SRD5A2: variants seen among roughly 807,000 people sequenced by gnomAD.
SRD5A2 encodes steroid 5 alpha-reductase 2.
SRD5A2 carries 30 observed loss-of-function variants against 27.4 expected under a neutral mutation model. That is an observed-to-expected ratio of 1.10 (90% CI 0.82 to 1.49). The LOEUF is 1.49. Among genes scored for constraint, SRD5A2 ranks in the 40% most tolerant of loss-of-function variants. The pLI is 0.00. For missense variants in SRD5A2, 348 were observed against 323.4 expected (o/e 1.08, Z -0.58); for synonymous variants, 141 against 133.6 (o/e 1.06, Z -0.38).
the SRD5A2 span, among the ~76,000 whole-genome samples, chr2:31,608,541 T>C: frequency 3.3e-5 from 5 of 151,898 alleles, no homozygotes; most frequent in Admixed American, 6.6e-5. Flanking sequence ...ATACTGAAAA[T>C]AAAAATTAGA....
At chr2:31,530,390 G>A (rs564486900) in intron 3 of SRD5A2, among the ~76,000 whole-genome samples, 6 of 152,218 alleles carry the variant, frequency 3.9e-5, no homozygotes, top group South Asian at 4.1e-4. Flanking sequence ...ATGAGACTGC[G>A]TCAGTGGTTC....
At chr2:31,641,313 T>C in the SRD5A2 span, among the ~76,000 whole-genome samples, 1 of 152,176 alleles carries the variant, frequency 6.6e-6, no homozygotes, top group Non-Finnish European at 1.5e-5. Flanking sequence ...TCAGAAACTG[T>C]GAAAGCAAGT....
the SRD5A2 span, among the ~76,000 whole-genome samples, chr2:31,588,512 T>C: frequency 6.6e-6 from 1 of 152,176 alleles, no homozygotes; most frequent in Non-Finnish European, 1.5e-5. Flanking sequence ...TACCTTAGAA[T>C]AATATATCTA....
chr2:31,616,458 G>A, the SRD5A2 span, among the ~76,000 whole-genome samples: 1 of 152,210 alleles, frequency 6.6e-6, no homozygotes, highest in African/African-American at 2.4e-5. Context: ...AGCTACCCAA[G>A]GCCATAGGTG....
chr2:31,608,994 G>C, the SRD5A2 span, among the ~76,000 whole-genome samples: 27 of 152,122 alleles, frequency 1.8e-4, no homozygotes, highest in African/African-American at 5.5e-4. Flanking sequence ...TGTGGCCTTA[G>C]TTTTCTAAGA....
In SRD5A2 at chr2:31,574,327, G is replaced by T. The variant is rs534113034; in HGVS notation, c.281+6293C>A. On this transcript the variant is annotated intron_variant, in intron 1 of 4. Coordinates refer to ENST00000622030, the MANE Select transcript of SRD5A2 (RefSeq NM_000348.4). ...TATAGAACTCTGATAAAGATCAGGA[G>T]ACCAGGCTTCAAGCTCCACTCTGCC... is the stretch of plus-strand genomic sequence containing the variant. Among the ~76,000 whole-genome samples, 17 of 152,342 alleles carry T rather than the reference G, an allele frequency of 1.1e-4. 1 individual carries two copies. Among genetic ancestry groups the T allele is most frequent in the Middle Eastern group, 3.4e-3 (1 of 294 alleles).
the SRD5A2 span, among the ~76,000 whole-genome samples, chr2:31,608,554 T>C: frequency 6.6e-6 from 1 of 151,798 alleles, no homozygotes; most frequent in Non-Finnish European, 1.5e-5. Flanking sequence ...AAATTAGAAA[T>C]AATATATAAA....
chr2:31,618,636 A>G, the SRD5A2 span, among the ~76,000 whole-genome samples: 82 of 152,268 alleles, frequency 5.4e-4, no homozygotes, highest in Non-Finnish European at 6.3e-4. Context: ...CAATCTCATA[A>G]AAACAGAGAG....
rs104893667 is a variant in SRD5A2, at chr2:31,580,823, G to C, written c.78C>G (p.Tyr26Ter). 2 of 1,612,524 alleles carry C rather than the reference G, an allele frequency of 1.2e-6. No individual in the cohort carries two copies. Among genetic ancestry groups the C allele is most frequent in the East Asian group, 4.5e-5 (2 of 44,860 alleles). ...TLVALGALAL[Y>*]VAKPSGYGKH... ...TCCCGTAGCCGGAGGGCTTCGCGAC[G>C]TACAAGGCCAGTGCCCCAAGGGCGA... is the stretch of plus-strand genomic sequence containing the variant. The change falls in exon 1 of 5, where the codon TAC becomes TAG. Residue 26 changes from tyrosine to a stop codon, truncating the protein, a stop_gained. Transcript: ENST00000622030. LOFTEE classifies it high-confidence loss of function.
chr2:31,644,419 C>T, the SRD5A2 span, among the ~76,000 whole-genome samples: 1 of 152,162 alleles, frequency 6.6e-6, no homozygotes, highest in Non-Finnish European at 1.5e-5. Context: ...CTTTTTGGCA[C>T]CAGGGACCTA....
chr2:31,653,702 C>G, the SRD5A2 span, among the ~76,000 whole-genome samples: 5 of 152,068 alleles, frequency 3.3e-5, no homozygotes, highest in Admixed American at 2.6e-4. Context: ...TCTTGTTGCC[C>G]AGGGAGGAGT....
intron 1 of SRD5A2, among the ~76,000 whole-genome samples, chr2:31,551,932 A>T (rs111400228): frequency 1.6e-4 from 24 of 152,240 alleles, no homozygotes; most frequent in Admixed American, 3.9e-4. Flanking sequence ...GGAGAAGCAA[A>T]TCAATGGAGG....
At chr2:31,580,330 C>G (rs923473944) in intron 1 of SRD5A2, among the ~76,000 whole-genome samples, 8 of 152,262 alleles carry the variant, frequency 5.3e-5, no homozygotes, top group Admixed American at 4.6e-4. Flanking sequence ...CGCCTCCCGC[C>G]CGCAGGACCT....
At chr2:31,615,590 C>G in the SRD5A2 span, among the ~76,000 whole-genome samples, 1 of 152,068 alleles carries the variant, frequency 6.6e-6, no homozygotes, top group Non-Finnish European at 1.5e-5. Context: ...TAAAAGCATT[C>G]AGTTTTAAAA....
rs574434529 is a variant in SRD5A2 at position 31,580,151 on chromosome 2, G to GT, written c.281+468dup. ...GTTTCCCTCGGGAGATGCCAAACGCGTAAGACTCTCCCAAGATCCCAGAAC... is the reference window on the plus strand; with the variant it reads ...GTTTCCCTCGGGAGATGCCAAACGCGTTAAGACTCTCCCAAGATCCCAGAAC... On this transcript the variant is annotated intron_variant, in intron 1 of 4. Coordinates refer to ENST00000622030, the MANE Select transcript of SRD5A2 (RefSeq NM_000348.4). 1.5e-4 allele frequency among the ~76,000 whole-genome samples: 23 copies of GT among 152,266 alleles called. No individual in the cohort carries two copies. The South Asian group carries it at 4.6e-3, about 30-fold the overall frequency.
At chr2:31,624,783 G>C in the SRD5A2 span, among the ~76,000 whole-genome samples, 4 of 152,152 alleles carry the variant, frequency 2.6e-5, no homozygotes, top group Admixed American at 6.5e-5. Flanking sequence ...CTGGTTCCAA[G>C]TCTTTGCTAT....
At chr2:31,583,663 C>CA (rs796349594), upstream of SRD5A2, among the ~76,000 whole-genome samples, 1,317 of 97,006 alleles carry the variant, frequency 0.014, 19 homozygotes, top group African/African-American at 0.029. Flanking sequence ...AAAAAAAAAG[C>CA]AAAAAAAAAA....
chr2:31,594,697 T>C, the SRD5A2 span, among the ~76,000 whole-genome samples: 20 of 152,144 alleles, frequency 1.3e-4, no homozygotes, highest in Admixed American at 3.3e-4. Context: ...CTATACCCTA[T>C]AACAAATGGA....
intron 1 of SRD5A2, among the ~76,000 whole-genome samples, chr2:31,567,867 G>A (rs542868488): frequency 4.4e-4 from 67 of 152,214 alleles, no homozygotes; most frequent in African/African-American, 1.6e-3. Flanking sequence ...CAGCCTGGCA[G>A]GCTGCACTTG....
Sources: allele counts gnomAD v4.1 joint callset (sites outside exome capture counted in the v4.1 genomes callset), GRCh38; gene constraint gnomAD v4.1.1; transcripts MANE v1.5; gene names NCBI Gene and HGNC (gene_info 2026-07-23, HGNC 2026-07-21).